The following VRK2 variants were observed in gnomAD, a reference collection of about 807,000 sequenced individuals.
VRK2 encodes the protein serine/threonine-protein kinase VRK2.
VRK2 carries 60 observed loss-of-function variants against 57.6 expected under a neutral mutation model. That is an observed-to-expected ratio of 1.04 (90% CI 0.85 to 1.29). VRK2 has a LOEUF of 1.29. Ranked by LOEUF, VRK2 falls within the 50% of genes most tolerant of loss-of-function variation. The pLI is 0.00. For missense variants in VRK2, 705 were observed against 588.1 expected, an observed-to-expected ratio of 1.20 and a Z score of -2.06; for synonymous variants, 231 against 199.2, an observed-to-expected ratio of 1.16 and a Z score of -1.35.
intron 7 of VRK2, among the ~76,000 whole-genome samples, chr2:58,118,207 T>C (rs1676827038): frequency 6.6e-6 from 1 of 151,652 alleles, no homozygotes; most frequent in Non-Finnish European, 1.5e-5. Flanking sequence ...AGAGAAGGGG[T>C]TGGGGTACTT....
At chr2:58,088,217 A>G (rs2104207720) in intron 5 of VRK2, 124 bp from the exon 6 acceptor site, 2 of 680,444 alleles carry the variant, frequency 2.9e-6, no homozygotes, top group Admixed American at 2.8e-5. Flanking sequence ...TCATTCTCTA[A>G]TGGTTTAGAT....
chr2:57,983,922 T>C (rs1055559989), intron 1 of VRK2, among the ~76,000 whole-genome samples: 3 of 152,176 alleles, frequency 2.0e-5, no homozygotes, highest in African/African-American at 7.2e-5. Flanking sequence ...TCAATATTGA[T>C]ATAACAGCTT....
At chr2:57,952,685 C>G (rs1409562959) in intron 1 of VRK2, among the ~76,000 whole-genome samples, 1 of 146,306 alleles carries the variant, frequency 6.8e-6, no homozygotes, top group Non-Finnish European at 1.5e-5. Flanking sequence ...ATTTGCCTCT[C>G]AAAATAACCT....
chr2:58,133,579 CT>C (rs963938801), intron 9 of VRK2, among the ~76,000 whole-genome samples: 10 of 152,194 alleles, frequency 6.6e-5, no homozygotes, highest in Admixed American at 6.5e-4. Flanking sequence ...TAGCATGCTG[CT>C]GGATCAATGT....
chr2:58,075,537 C>T (rs374522864), intron 2 of VRK2, among the ~76,000 whole-genome samples: 2 of 152,146 alleles, frequency 1.3e-5, no homozygotes, highest in Admixed American at 6.6e-5. Context: ...TCTGAAACCT[C>T]GCCAACATCT....
intron 2 of VRK2, among the ~76,000 whole-genome samples, chr2:58,028,922 A>C (rs1262226971): frequency 1.5e-5 from 2 of 131,096 alleles, no homozygotes; most frequent in East Asian, 4.2e-4. Context: ...ATATATATAT[A>C]TATATATATA....
chr2:57,929,831 C>T (rs889948765), intron 1 of VRK2, among the ~76,000 whole-genome samples: 1 of 152,076 alleles, frequency 6.6e-6, no homozygotes, highest in Non-Finnish European at 1.5e-5. Flanking sequence ...TCCTTTTTGG[C>T]CCAGGGAGTG....
At position 58,041,014 on chromosome 2, in the gene VRK2, GCTC is replaced by G. The variant is rs544582043; in HGVS notation, c.-6+7465_-6+7467del. ...CTTCTGCTTAAAAATCATTCGGCCA[GCTC>G]CTCTTCTCCTCCTTATCCAGCTCAT... On this transcript the variant is annotated intron_variant, in intron 3 of 15. Coordinates refer to the VRK2 transcript ENST00000417641. 102 of 984,346 alleles carry G rather than the reference GCTC, an allele frequency of 1.0e-4. 1 individual carries two copies. The African/African-American group carries it at 1.5e-3, about 14-fold the overall frequency. The allele number at this position is 984,346 out of a possible 1,614,324, so 61.0% of individuals were successfully genotyped here.
intron 1 of VRK2, among the ~76,000 whole-genome samples, chr2:57,997,652 C>T (rs955197364): frequency 1.1e-4 from 16 of 152,178 alleles, no homozygotes; most frequent in African/African-American, 2.9e-4. Flanking sequence ...CCTGTAATCC[C>T]GGCAGTTTGG....
intron 7 of VRK2, 102 bp from the exon 8 acceptor site, chr2:58,122,999 T>C (rs1677750890): frequency 2.1e-6 from 3 of 1,419,546 alleles, no homozygotes; most frequent in Admixed American, 5.5e-5. Context: ...AAAATGTAGA[T>C]CTGAGGCTGT....
chr2:58,017,093 C>T (rs976734969), intron 1 of VRK2, among the ~76,000 whole-genome samples: 6 of 152,208 alleles, frequency 3.9e-5, no homozygotes, highest in East Asian at 3.9e-4. Context: ...GTGAGCACTA[C>T]GAGAATTTCT....
Position 58,026,053 on chromosome 2 carries a change from C to T in VRK2, c.-333+283C>T, listed in dbSNP as rs546204864. ...GTTAATGAAATGAAATGTGACTCTACTGGGGGATTTTAATACTTCAACTAT... is the reference window on the plus strand; with the variant it reads ...GTTAATGAAATGAAATGTGACTCTATTGGGGGATTTTAATACTTCAACTAT... On this transcript the variant is annotated intron_variant, in intron 2 of 15. Coordinates refer to the VRK2 transcript ENST00000417641. Among the ~76,000 whole-genome samples, 213 of 152,200 alleles carry T rather than the reference C, an allele frequency of 1.4e-3. 1 individual carries two copies. The highest frequency in any genetic ancestry group is 4.6e-3 in the African/African-American group (192 of 41,512).
intron 1 of VRK2, among the ~76,000 whole-genome samples, chr2:58,012,237 C>A (rs913459694): frequency 6.6e-6 from 1 of 152,174 alleles, no homozygotes; most frequent in Non-Finnish European, 1.5e-5. Flanking sequence ...CAACCAGCAG[C>A]CCTCAGGGCT....
intron 1 of VRK2, among the ~76,000 whole-genome samples, chr2:58,019,224 G>A (rs373169938): frequency 2.6e-5 from 4 of 152,128 alleles, no homozygotes; most frequent in African/African-American, 9.7e-5. Context: ...AAATTTTTAC[G>A]TTGCTATCAC....
At chr2:58,096,229 C>G (rs922114162) in intron 7 of VRK2, among the ~76,000 whole-genome samples, 1 of 151,878 alleles carries the variant, frequency 6.6e-6, no homozygotes, top group African/African-American at 2.4e-5. Flanking sequence ...GATATTGATC[C>G]ATAGTTTTCT....
rs1670257198 is a variant in VRK2, at chr2:58,077,333, AT to A, written c.137-6753del. On this transcript the variant is annotated intron_variant, in intron 2 of 12. Coordinates refer to ENST00000340157, the MANE Select transcript of VRK2 (RefSeq NM_006296.7). Reference sequence around the variant, plus strand: ...CTCCACACAAGTCCTCGGATTCTTAATTTGTTGAATTGATCCTAGGCCTTTG... The same window carrying A: ...CTCCACACAAGTCCTCGGATTCTTAATTGTTGAATTGATCCTAGGCCTTTG... Among the ~76,000 whole-genome samples, 8 of 152,098 alleles carry A rather than the reference AT, an allele frequency of 5.3e-5. No individual in the cohort carries two copies. The South Asian group carries it at 1.7e-3, about 32-fold the overall frequency.
intron 1 of VRK2, 52 bp downstream of exon 1, chr2:58,046,920 G>A (rs1407620500): frequency 2.0e-6 from 2 of 985,434 alleles, no homozygotes; most frequent in Non-Finnish European, 2.4e-6. Flanking sequence ...TCCGCTTGCA[G>A]TGCCGGAGCC....
At chr2:58,116,320 C>T (rs12473245) in intron 7 of VRK2, among the ~76,000 whole-genome samples, 9 of 148,272 alleles carry the variant, frequency 6.1e-5, no homozygotes, top group South Asian at 2.1e-4. Flanking sequence ...TTGGGAAGAA[C>T]GGCAGCAATG....
At position 58,013,458 on chromosome 2, in the gene VRK2, G is replaced by T. The variant is rs372939100; in HGVS notation, c.-438-12207G>T. ...GCTCTATCAGTGGTAACTTTGTAAAGAACTTAATTTTTTGGTTATCTGAAA... is the reference window on the plus strand; with the variant it reads ...GCTCTATCAGTGGTAACTTTGTAAATAACTTAATTTTTTGGTTATCTGAAA... On this transcript the variant is annotated intron_variant, in intron 1 of 15. Coordinates refer to the VRK2 transcript ENST00000417641. Among the ~76,000 whole-genome samples, 51 of 152,292 alleles carry T rather than the reference G, an allele frequency of 3.3e-4. No homozygotes were observed. The South Asian group carries it at 9.3e-3, about 28-fold the overall frequency.
Sources: allele counts gnomAD v4.1 joint callset (sites outside exome capture counted in the v4.1 genomes callset), GRCh38; gene constraint gnomAD v4.1.1; transcripts MANE v1.5; gene names NCBI Gene and HGNC (gene_info 2026-07-23, HGNC 2026-07-21).